USP46: variants seen among roughly 807,000 people sequenced by gnomAD.
USP46 encodes ubiquitin carboxyl-terminal hydrolase 46.
Under a neutral mutation model 44.4 loss-of-function variants are expected in USP46, and 12 were observed. That is an observed-to-expected ratio of 0.27 (90% CI 0.17 to 0.44). USP46 has a LOEUF of 0.44. USP46 is among the 20% of genes least tolerant of loss of function. The pLI is 1.00. For synonymous variants in USP46, 155 were observed against 161.5 expected (o/e 0.96, Z 0.31); for missense variants, 248 against 444.8 (o/e 0.56, Z 3.98).
chr4:52,651,302 A>G (rs1215295747), intron 1 of USP46, among the ~76,000 whole-genome samples: 1 of 151,976 alleles, frequency 6.6e-6, no homozygotes, highest in East Asian at 1.9e-4. Flanking sequence ...ATGTGGAGGG[A>G]GTAGAAGGAG....
chr4:52,646,258 T>A (rs1456593376), intron 1 of USP46, among the ~76,000 whole-genome samples: 1 of 152,212 alleles, frequency 6.6e-6, no homozygotes, highest in Non-Finnish European at 1.5e-5. Context: ...CATGCCTCAA[T>A]GCACTTGTGC....
chr4:52,643,180 G>T (rs1232491756), intron 1 of USP46, among the ~76,000 whole-genome samples: 1 of 152,108 alleles, frequency 6.6e-6, no homozygotes, highest in African/African-American at 2.4e-5. Flanking sequence ...TCCTCCTCTG[G>T]CTGCCTCTCC....
At chr4:52,614,951 T>C (rs913178887) in intron 4 of USP46, among the ~76,000 whole-genome samples, 1 of 152,178 alleles carries the variant, frequency 6.6e-6, no homozygotes, top group Non-Finnish European at 1.5e-5. Flanking sequence ...TGTGTAAGGA[T>C]ACTGTGAAAA....
chr4:52,630,803 T>C, intron 2 of USP46, among the ~76,000 whole-genome samples: 1 of 150,970 alleles, frequency 6.6e-6, no homozygotes, highest in East Asian at 2.0e-4. Context: ...ATTATGAAAG[T>C]TATGTGTGCA....
intron 1 of USP46, among the ~76,000 whole-genome samples, chr4:52,658,466 C>T (rs1466840071): frequency 1.3e-5 from 2 of 152,146 alleles, no homozygotes; most frequent in Non-Finnish European, 2.9e-5. Flanking sequence ...GCCCGCCCCA[C>T]CCTTAGGGCC....
chr4:52,630,842 A>G (rs902813672), intron 2 of USP46, among the ~76,000 whole-genome samples: 7 of 152,170 alleles, frequency 4.6e-5, no homozygotes, highest in African/African-American at 1.7e-4. Context: ...ATGGGGGGAA[A>G]ATGTAAATTT....
intron 4 of USP46, 121 bp downstream of exon 4, chr4:52,625,897 G>C: frequency 9.9e-7 from 1 of 1,012,158 alleles, no homozygotes; most frequent in South Asian, 1.7e-5. Context: ...TGCATAAATA[G>C]GATTATTTAC....
rs551866725 is a variant in USP46 at position 52,643,619 on chromosome 4, A to G, written c.37-12475T>C. On this transcript the variant is annotated intron_variant, in intron 1 of 8. Transcript: ENST00000441222. The stretch of plus-strand genomic sequence containing the variant: ...TGATTCATTTGCCAGCACCTAGTAG[A>G]ATGTCTGGTTGTATAGAAGGCACTT... 6.6e-5 allele frequency among the ~76,000 whole-genome samples: 10 copies of G among 152,328 alleles called. No homozygotes were observed. The South Asian group carries it at 2.1e-3, about 32-fold the overall frequency.
intron 7 of USP46, among the ~76,000 whole-genome samples, chr4:52,599,892 G>A (rs1716393650): frequency 6.6e-6 from 1 of 151,996 alleles, no homozygotes. Context: ...TTCATATTAT[G>A]GGCCTTTGCA....
At chr4:52,597,877 G>C (rs1351775313) in intron 8 of USP46, 136 bp from the exon 9 acceptor site, 5 of 661,192 alleles carry the variant, frequency 7.6e-6, no homozygotes, top group Non-Finnish European at 1.2e-5. Flanking sequence ...ACTTTCAATA[G>C]CAAATGGAGA....
chr4:52,597,875 T>C (rs1716307607), intron 8 of USP46, 134 bp from the exon 9 acceptor site: 2 of 666,678 alleles, frequency 3.0e-6, no homozygotes, highest in South Asian at 2.1e-5. Flanking sequence ...GAACTTTCAA[T>C]AGCAAATGGA....
chr4:52,615,159 G>C (rs1717080387), intron 4 of USP46, among the ~76,000 whole-genome samples: 1 of 151,992 alleles, frequency 6.6e-6, no homozygotes, highest in South Asian at 2.1e-4. Context: ...AAATGAAATG[G>C]CAGCCCCAAA....
At chr4:52,619,539 G>A (rs944428850) in intron 4 of USP46, among the ~76,000 whole-genome samples, 1 of 152,186 alleles carries the variant, frequency 6.6e-6, no homozygotes, top group African/African-American at 2.4e-5. Context: ...TAGGCAAAGG[G>A]TGTTACTCAA....
intron 4 of USP46, among the ~76,000 whole-genome samples, chr4:52,621,444 T>G (rs1043137613): frequency 6.6e-6 from 1 of 152,014 alleles, no homozygotes; most frequent in Admixed American, 6.6e-5. Context: ...TCACCTGAGG[T>G]CAGGTGTTCA....
At chr4:52,598,936 C>G (rs138419656) in intron 7 of USP46, among the ~76,000 whole-genome samples, 1 of 152,164 alleles carries the variant, frequency 6.6e-6, no homozygotes, top group African/African-American at 2.4e-5. Flanking sequence ...GCAGCAAAAA[C>G]AGACACTCAA....
rs909924330 is a variant in USP46 at position 52,615,854 on chromosome 4, T to G, written c.562-5237A>C. Reference sequence around the variant, plus strand: ...AAAAATCACTAACTGGATAGGTTTATGGCACGTAAATTATACCTCACCAAA... The same window carrying G: ...AAAAATCACTAACTGGATAGGTTTAGGGCACGTAAATTATACCTCACCAAA... On this transcript the variant is annotated intron_variant, in intron 4 of 8. Transcript: ENST00000441222. Among the ~76,000 whole-genome samples, 3 of 152,232 alleles carry G rather than the reference T, an allele frequency of 2.0e-5. No homozygotes were observed. The East Asian group carries it at 5.8e-4, about 29-fold the overall frequency.
intron 5 of USP46, among the ~76,000 whole-genome samples, chr4:52,609,894 A>ATTTTTTTTT (rs1423146190): frequency 2.4e-4 from 5 of 20,646 alleles, no homozygotes; most frequent in Admixed American, 5.2e-4. Flanking sequence ...CCTCAATTCT[A>ATTTTTTTTT]TTTCTTTTTT....
At chr4:52,656,223 T>C (rs1461043206) in intron 1 of USP46, 34 of 1,476,134 alleles carry the variant, frequency 2.3e-5, no homozygotes, top group Non-Finnish European at 3.1e-5. Flanking sequence ...GGGACCAAAG[T>C]TAGGAGCGGG....
intron 1 of USP46, among the ~76,000 whole-genome samples, chr4:52,636,956 G>A (rs1341860170): frequency 1.3e-5 from 2 of 151,714 alleles, no homozygotes; most frequent in East Asian, 2.0e-4. Context: ...ACTTACAGGT[G>A]CATAACCCAC....
Sources: gnomAD v4.1 joint callset for allele counts (sites outside exome capture counted in the v4.1 genomes callset) on GRCh38, gnomAD v4.1.1 for gene constraint, MANE v1.5 for transcripts, NCBI Gene and HGNC (gene_info 2026-07-23, HGNC 2026-07-21) for gene names.